Variants in TMC3 observed in about 807,000 individuals in gnomAD.
TMC3 encodes transmembrane channel-like protein 3.
Under a neutral mutation model 110.6 loss-of-function variants are expected in TMC3, and 98 were observed. That is an observed-to-expected ratio of 0.89 (90% CI 0.75 to 1.05). TMC3 has a LOEUF of 1.05. Among genes scored for constraint, TMC3 ranks in the 50% least tolerant of loss-of-function variants. TMC3 has a pLI of 0.00. For synonymous variants in TMC3, 489 were observed against 513.1 expected (o/e 0.95, Z 0.63); for missense variants, 1,319 against 1,373.2 (o/e 0.96, Z 0.62).
Position 81,374,196 on chromosome 15 carries a change from T to C in TMC3, c.-119A>G, listed in dbSNP as rs904607263. The C allele has an allele frequency of 7.5e-6, 6 of 798,710 alleles. No homozygotes were observed. The highest frequency in any genetic ancestry group is 1.3e-5 in the Non-Finnish European group (6 of 478,346). 49.5% of individuals were successfully genotyped at this position (798,710 alleles called of 1,614,324 possible). ...CGGAGTTTGCTCTGCCCGCTAGTTC[T>C]CAGGAAGAAGACTGTGTGCTTGCAG... On this transcript the variant is annotated 5_prime_UTR_variant, in exon 1 of 22. Coordinates refer to ENST00000359440, the MANE Select transcript of TMC3 (RefSeq NM_001080532.3).
chr15:81,362,365 C>T, intron 3 of TMC3, 64 bp from the exon 4 acceptor site: 1 of 1,270,442 alleles, frequency 7.9e-7, no homozygotes, highest in Admixed American at 1.9e-5. Flanking sequence ...CTGTGCAGTA[C>T]TAGGCACCTA....
intron 15 of TMC3, 82 bp from the exon 16 acceptor site, chr15:81,341,600 T>C: frequency 6.8e-7 from 1 of 1,471,170 alleles, no homozygotes; most frequent in Non-Finnish European, 9.2e-7. Flanking sequence ...TGCAGGAACA[T>C]GGTTCTGACA....
chr15:81,366,710 T>C (rs1894325082), intron 3 of TMC3, among the ~76,000 whole-genome samples: 1 of 152,202 alleles, frequency 6.6e-6, no homozygotes, highest in African/African-American at 2.4e-5. Flanking sequence ...TAAGGAGTCA[T>C]GGATGATTTG....
At position 81,331,721 on chromosome 15, in the gene TMC3, T is replaced by A. The variant is rs1893465513; in HGVS notation, c.*698A>T. The A allele has an allele frequency of 6.6e-6, 1 of 152,128 alleles. No individual in the cohort carries two copies. The highest frequency in any genetic ancestry group is 1.5e-5 in the Non-Finnish European group (1 of 68,026). 9.4% of individuals were successfully genotyped at this position (152,128 alleles called of 1,614,324 possible). On this transcript the variant is annotated 3_prime_UTR_variant, in exon 22 of 22. Coordinates refer to ENST00000359440, the MANE Select transcript of TMC3 (RefSeq NM_001080532.3). The stretch of plus-strand genomic sequence containing the variant: ...TGATCGGCAGCTTCCCCATAAAATG[T>A]CAGGAGTTGGGCGAGTGGGCTCAAA...
chr15:81,357,061 C>T (rs1007409462), intron 7 of TMC3, among the ~76,000 whole-genome samples: 6 of 152,174 alleles, frequency 3.9e-5, no homozygotes, highest in African/African-American at 1.4e-4. Flanking sequence ...GAGTCATCAA[C>T]CCTCCTTAGG....
At chr15:81,362,521 G>C (rs994229838) in intron 3 of TMC3, among the ~76,000 whole-genome samples, 1 of 152,086 alleles carries the variant, frequency 6.6e-6, no homozygotes, top group Non-Finnish European at 1.5e-5. Context: ...AATAATGCAA[G>C]CTGCAGCCCC....
chr15:81,341,277 G>A, intron 16 of TMC3, 113 bp downstream of exon 16: 1 of 1,178,166 alleles, frequency 8.5e-7, no homozygotes, highest in Non-Finnish European at 1.1e-6. Context: ...GCAAGATTTT[G>A]ACAGGAAGAG....
At chr15:81,347,469 G>A (rs774109173) in intron 11 of TMC3, among the ~76,000 whole-genome samples, 2 of 152,136 alleles carry the variant, frequency 1.3e-5, no homozygotes, top group Admixed American at 6.5e-5. Flanking sequence ...GAATTGAGAC[G>A]GGATTCCCGT....
intron 16 of TMC3, 100 bp downstream of exon 16, chr15:81,341,290 T>C (rs1893708090): frequency 1.5e-6 from 2 of 1,291,042 alleles, no homozygotes; most frequent in Non-Finnish European, 2.1e-6. Context: ...AGGAAGAGAG[T>C]TGGGGGGACC....
Position 81,336,610 on chromosome 15 carries a change from T to A in TMC3, c.2202A>T (p.Glu734Asp), listed in dbSNP as rs753000261. 47 of 1,613,688 alleles carry A rather than the reference T, an allele frequency of 2.9e-5. No homozygotes were observed. Among genetic ancestry groups the A allele is most frequent in the Non-Finnish European group, 3.9e-5 (46 of 1,179,834 alleles). Residue 734 changes from glutamate (E) to aspartate (D), a missense_variant and splice_region_variant, in exon 20 of 22, where the codon GAA becomes GAT. Glu to Asp is a conservative substitution (Grantham distance 45). Coordinates refer to ENST00000359440, the MANE Select transcript of TMC3 (RefSeq NM_001080532.3). ...EDKKKVAQMV[E>D]ARIQTQEEST... The stretch of plus-strand genomic sequence containing the variant: ...ACAAAAAGAAACGGAAATACTTACC[T>A]TCTACCATCTGGGCAACCTTTTTCT...
chr15:81,347,036 C>T (rs893560902), intron 11 of TMC3, among the ~76,000 whole-genome samples: 4 of 152,142 alleles, frequency 2.6e-5, no homozygotes, highest in Non-Finnish European at 5.9e-5. Flanking sequence ...GTGAATGGAA[C>T]CTGCCAGCAA....
intron 4 of TMC3, among the ~76,000 whole-genome samples, chr15:81,361,720 G>C (rs1894191386): frequency 1.3e-5 from 2 of 151,900 alleles, no homozygotes; most frequent in Admixed American, 1.3e-4. Flanking sequence ...CTATCCTGTG[G>C]TATAATTTTA....
At chr15:81,372,101 T>C (rs1464848906) in intron 2 of TMC3, among the ~76,000 whole-genome samples, 3 of 151,054 alleles carry the variant, frequency 2.0e-5, no homozygotes, top group Non-Finnish European at 4.4e-5. Context: ...TCTGGCTTCC[T>C]ATAAAGTCTT....
At chr15:81,365,532 G>C (rs546594664) in intron 3 of TMC3, among the ~76,000 whole-genome samples, 2 of 151,858 alleles carry the variant, frequency 1.3e-5, no homozygotes, top group East Asian at 1.9e-4. Flanking sequence ...TTAGCCAGGC[G>C]TGGTGGCAGG....
Position 81,332,946 on chromosome 15 carries a change from G to C in TMC3, c.2776C>G (p.Arg926Gly). Residue 926 changes from arginine to glycine, a missense_variant, in exon 22 of 22, where the codon CGA becomes GGA. Coordinates refer to ENST00000359440, the MANE Select transcript of TMC3 (RefSeq NM_001080532.3). ...CGGGGGACCCGGGATGCATATTGTC[G>C]CACGTTCCTGGGGTACAGCTCCACA... Reference protein sequence around the residue: ...DIVELYPRNVRQYASRVPRQP... With the variant: ...DIVELYPRNVGQYASRVPRQP... 6.2e-7 allele frequency: 1 copy of C among 1,612,186 alleles called. No homozygotes were observed. The highest frequency in any genetic ancestry group is 1.7e-4 in the Middle Eastern group (1 of 6,054).
At chr15:81,346,264 G>A in intron 12 of TMC3, 101 bp downstream of exon 12, 1 of 1,050,072 alleles carries the variant, frequency 9.5e-7, no homozygotes, top group South Asian at 1.3e-5. Context: ...TGGAGTACAA[G>A]TATAAGCAGT....
Position 81,337,832 on chromosome 15 carries a change from C to T in TMC3, c.2160+14G>A. 6.2e-7 allele frequency: 1 copy of T among 1,608,534 alleles called. No homozygotes were observed. The highest frequency in any genetic ancestry group is 8.5e-7 in the Non-Finnish European group (1 of 1,174,876). On this transcript the variant is annotated intron_variant, in intron 19 of 21. Transcript: ENST00000359440. ...GACACATATTCATAATAGCAAAGTT[C>T]ATGAAATACTTGCGTTTTGGATCTG...
intron 10 of TMC3, among the ~76,000 whole-genome samples, chr15:81,351,143 T>G (rs1443104599): frequency 2.0e-5 from 3 of 152,142 alleles, no homozygotes; most frequent in African/African-American, 7.2e-5. Context: ...GAGAACGGTG[T>G]AAATGCTTGA....
chr15:81,336,629 T>A lies in TMC3; in HGVS notation c.2183A>T (p.Lys728Met), dbSNP rs772309132. 6.2e-7 allele frequency: 1 copy of A among 1,613,362 alleles called. No individual in the cohort carries two copies. The highest frequency in any genetic ancestry group is 8.5e-7 in the Non-Finnish European group (1 of 1,179,524). ...CTTACCTTCTACCATCTGGGCAACC[T>A]TTTTCTTATCCTCTGATCTTGCCTA... ...IQNARSEDKKKVAQMVEARIQ... is the reference protein window; with the variant it reads ...IQNARSEDKKMVAQMVEARIQ... Residue 728 changes from lysine (K) to methionine (M), a missense_variant, in exon 20 of 22, where the codon AAG (lysine) becomes ATG (methionine). Lys to Met is a moderately conservative substitution (Grantham distance 95). Coordinates refer to ENST00000359440, the MANE Select transcript of TMC3 (RefSeq NM_001080532.3).
Sources: allele counts gnomAD v4.1 joint callset (sites outside exome capture counted in the v4.1 genomes callset), GRCh38; gene constraint gnomAD v4.1.1; transcripts MANE v1.5; gene names NCBI Gene and HGNC (gene_info 2026-07-23, HGNC 2026-07-21).